HPCAL1: variants seen among roughly 807,000 people sequenced by gnomAD.
HPCAL1 encodes hippocalcin-like protein 1.
Under a neutral mutation model 17.1 loss-of-function variants are expected in HPCAL1, and 8 were observed. That is an observed-to-expected ratio of 0.47 (90% CI 0.27 to 0.84). The LOEUF (loss-of-function observed/expected upper bound fraction) is 0.84. Among genes scored for constraint, HPCAL1 ranks in the 40% least tolerant of loss-of-function variants. The pLI, the probability that HPCAL1 is intolerant of heterozygous loss-of-function variation, is 0.13. For missense variants in HPCAL1, 165 were observed against 271.1 expected (o/e 0.61, Z 2.75); for synonymous variants, 112 against 111.4 (o/e 1.01, Z -0.03).
chr2:10,355,120 G>C (rs1310445361), intron 1 of HPCAL1, among the ~76,000 whole-genome samples: 2 of 152,202 alleles, frequency 1.3e-5, no homozygotes, highest in African/African-American at 2.4e-5. Flanking sequence ...CAGCAGCAAA[G>C]AGAGGGGACA....
At chr2:10,424,960 A>C (rs1362919758) in intron 4 of HPCAL1, 4 of 243,166 alleles carry the variant, frequency 1.6e-5, no homozygotes, top group Non-Finnish European at 3.4e-5. Context: ...TCAGCTTGTC[A>C]GGCCGCACAT....
At chr2:10,391,402 C>T (rs1444195956) in intron 1 of HPCAL1, among the ~76,000 whole-genome samples, 1 of 152,172 alleles carries the variant, frequency 6.6e-6, no homozygotes, top group Non-Finnish European at 1.5e-5. Context: ...AGGATATTGA[C>T]TTAGATTCCT....
chr2:10,309,349 A>G (rs939682906), intron 1 of HPCAL1, among the ~76,000 whole-genome samples: 11 of 152,190 alleles, frequency 7.2e-5, no homozygotes, highest in Non-Finnish European at 1.5e-4. Flanking sequence ...CCATTTTTCT[A>G]AATGAAAAAA....
rs911150245 is a variant in HPCAL1, at chr2:10,331,229, A to G, written c.-111+28052A>G. Among the ~76,000 whole-genome samples the G allele has an allele frequency of 7.4e-4, 112 of 152,164 alleles. No individual in the cohort carries two copies. Among genetic ancestry groups the G allele is most frequent in the African/African-American group, 2.6e-3 (110 of 41,526 alleles). The stretch of plus-strand genomic sequence containing the variant: ...GCCTGCCCCCAGGTGCCCCCGGCCC[A>G]GCCACAGGGTGCTGGCTGCCTGTTA... On this transcript the variant is annotated intron_variant, in intron 1 of 4. Transcript: ENST00000307845. The surrounding 1 kb of genome is among the most constrained non-coding windows in gnomAD (Gnocchi z 5.0).
intron 3 of HPCAL1, among the ~76,000 whole-genome samples, chr2:10,421,536 A>C (rs773086595): frequency 6.6e-6 from 1 of 152,190 alleles, no homozygotes; most frequent in African/African-American, 2.4e-5. Context: ...CTCCATCTCT[A>C]TAAAAAATTA....
intron 1 of HPCAL1, among the ~76,000 whole-genome samples, chr2:10,366,204 G>A (rs1327584963): frequency 1.3e-5 from 2 of 152,174 alleles, no homozygotes; most frequent in Non-Finnish European, 2.9e-5. Context: ...CCCTTAAGGA[G>A]CAAAGTCTCA....
intron 2 of HPCAL1, among the ~76,000 whole-genome samples, chr2:10,399,607 C>T (rs1023679206): frequency 1.4e-5 from 2 of 142,714 alleles, no homozygotes; most frequent in East Asian, 2.3e-4. Flanking sequence ...ACCACCACCA[C>T]GAGTTGAGGG....
intron 1 of HPCAL1, among the ~76,000 whole-genome samples, chr2:10,327,315 A>G (rs1664077197): frequency 6.6e-6 from 1 of 152,192 alleles, no homozygotes; most frequent in South Asian, 2.1e-4. Context: ...TGTGTAAAGT[A>G]ACTCTCTAGG....
At chr2:10,387,230 A>T (rs1387844892) in intron 1 of HPCAL1, among the ~76,000 whole-genome samples, 1 of 152,230 alleles carries the variant, frequency 6.6e-6, no homozygotes, top group Non-Finnish European at 1.5e-5. Context: ...TCGCGTGTGA[A>T]TCCACCTCCT....
chr2:10,344,254 G>A lies in HPCAL1; in HGVS notation c.-111+41077G>A, dbSNP rs1043266493. The stretch of plus-strand genomic sequence containing the variant: ...TTGCTTTCCCCATAGGCATCACTTC[G>A]ACCAGCGTCTGTGTGGGGTGTGCAG... On this transcript the variant is annotated intron_variant, in intron 1 of 4. Transcript: ENST00000307845. The surrounding 1 kb of genome is among the most constrained non-coding windows in gnomAD (Gnocchi z 4.9). 1.3e-5 allele frequency among the ~76,000 whole-genome samples: 2 copies of A among 152,118 alleles called. No individual in the cohort carries two copies. The highest frequency in any genetic ancestry group is 2.9e-5 in the Non-Finnish European group (2 of 68,036).
intron 1 of HPCAL1, among the ~76,000 whole-genome samples, chr2:10,312,854 C>T (rs1663078752): frequency 6.6e-6 from 1 of 152,008 alleles, no homozygotes; most frequent in Non-Finnish European, 1.5e-5. Context: ...CTGTCATTAT[C>T]ACCATCATCA....
intron 1 of HPCAL1, among the ~76,000 whole-genome samples, chr2:10,375,266 C>T (rs1309923479): frequency 6.6e-6 from 1 of 152,200 alleles, no homozygotes; most frequent in Non-Finnish European, 1.5e-5. Flanking sequence ...ATTTTACAAC[C>T]TGTTTTTGTT....
At chr2:10,368,246 T>C (rs1039400080) in intron 1 of HPCAL1, among the ~76,000 whole-genome samples, 5 of 151,362 alleles carry the variant, frequency 3.3e-5, no homozygotes, top group African/African-American at 1.2e-4. Context: ...TGTGTGTGTG[T>C]GCATTGTGTG....
intron 3 of HPCAL1, 114 bp downstream of exon 3, chr2:10,420,249 CTA>C: frequency 5.4e-6 from 5 of 930,946 alleles, no homozygotes; most frequent in Non-Finnish European, 7.6e-6. Flanking sequence ...GAATCTTGCT[CTA>C]GTGACTGGAG....
At chr2:10,313,950 G>A (rs1359256775) in intron 1 of HPCAL1, among the ~76,000 whole-genome samples, 8 of 151,988 alleles carry the variant, frequency 5.3e-5, no homozygotes, top group African/African-American at 1.7e-4. Flanking sequence ...GGCCAACATG[G>A]TGAAACCCCG....
chr2:10,399,352 T>TCAC (rs1669343123), intron 2 of HPCAL1, among the ~76,000 whole-genome samples: 1 of 2,314 alleles, frequency 4.3e-4, no homozygotes, highest in Non-Finnish European at 8.8e-4. Flanking sequence ...ACCACCACCA[T>TCAC]CACCACCACT....
chr2:10,418,446 CAAAAAAAAAAA>C (rs58884767), intron 2 of HPCAL1, among the ~76,000 whole-genome samples: 1 of 60,166 alleles, frequency 1.7e-5, no homozygotes, highest in African/African-American at 6.4e-5. Flanking sequence ...GACTCCATCT[CAAAAAAAAAAA>C]AAAAAAAAAA....
At chr2:10,406,183 C>G (rs139789593) in intron 2 of HPCAL1, 180 of 152,342 alleles carry the variant, frequency 1.2e-3, no homozygotes, top group African/African-American at 4.1e-3. Flanking sequence ...GTGGGGATTC[C>G]TCGTCGTGCA....
At chr2:10,381,113 G>A (rs1667914305) in intron 1 of HPCAL1, among the ~76,000 whole-genome samples, 1 of 152,240 alleles carries the variant, frequency 6.6e-6, no homozygotes, top group Non-Finnish European at 1.5e-5. Flanking sequence ...GGTGAGCAGA[G>A]TGGGGCCCCA....
Sources: allele counts gnomAD v4.1 joint callset (sites outside exome capture counted in the v4.1 genomes callset), GRCh38; gene constraint gnomAD v4.1.1; non-coding constraint Gnocchi (gnomAD v3.1); transcripts MANE v1.5; gene names NCBI Gene and HGNC (gene_info 2026-07-23, HGNC 2026-07-21).